TRPC5: variants seen among roughly 807,000 people sequenced by gnomAD.
TRPC5 encodes the protein transient receptor potential cation channel subfamily C member 5.
Under a neutral mutation model 56.5 loss-of-function variants are expected in TRPC5, and 9 were observed. The observed-to-expected ratio is 0.16, with a 90% CI of 0.10 to 0.28. The LOEUF (loss-of-function observed/expected upper bound fraction) is 0.28, where lower values mean the gene tolerates loss of function less well. Ranked by LOEUF, TRPC5 falls within the 10% of genes least tolerant of loss-of-function variation. TRPC5 has a pLI of 1.00. For missense variants in TRPC5, 469 were observed against 748.9 expected, an observed-to-expected ratio of 0.63 and a Z score of 4.36; for synonymous variants, 282 against 278.5, an observed-to-expected ratio of 1.01 and a Z score of -0.13.
intron 2 of TRPC5, among the ~76,000 whole-genome samples, chrX:111,925,652 C>T (rs1264575269): frequency 8.9e-6 from 1 of 111,961 alleles, no homozygotes; most frequent in East Asian, 2.8e-4. Flanking sequence ...AGTTTCTCTC[C>T]TTTGTCTGCA....
chrX:112,056,558 G>A (rs987737011), intron 1 of TRPC5, among the ~76,000 whole-genome samples: 2 of 111,988 alleles, frequency 1.8e-5, no homozygotes, highest in African/African-American at 6.5e-5. Context: ...AAAATGAAAG[G>A]AGTTGAATTA....
chrX:112,074,049 T>C (rs1930777037), intron 1 of TRPC5, among the ~76,000 whole-genome samples: 1 of 111,720 alleles, frequency 9.0e-6, no homozygotes, highest in African/African-American at 3.3e-5. Flanking sequence ...GCTTTGTACA[T>C]GTAACTCATT....
intron 3 of TRPC5, among the ~76,000 whole-genome samples, chrX:111,894,224 T>TAAAGATAGA (rs1183453884): frequency 1.8e-5 from 2 of 111,796 alleles, no homozygotes; most frequent in African/African-American, 6.5e-5. Context: ...TTATCAACTA[T>TAAAGATAGA]AAAGATAGAC....
At chrX:111,909,474 C>G (rs903354684) in intron 3 of TRPC5, among the ~76,000 whole-genome samples, 37 of 110,767 alleles carry the variant, frequency 3.3e-4, no homozygotes, top group African/African-American at 1.2e-3. Flanking sequence ...AAAATGCATC[C>G]TAGTGACGAT....
In TRPC5 at chrX:111,782,022, T is replaced by C. The variant is rs1195731884; in HGVS notation, c.2013A>G (p.Leu671=). ...TGTTGTTGAACCAGTTACCAAGGTA[T>C]AGAAATGACTTGGGGCTGGGGATGA... ...FNIIPSPKSF[L]YLGNWFNNTF... is the part of the protein sequence containing the mutation. The change falls in exon 8 of 11, where the codon CTA becomes CTG. Residue 671 remains leucine (L), a synonymous_variant. Transcript: ENST00000262839. 8.3e-7 allele frequency: 1 copy of C among 1,210,175 alleles called. No homozygotes were observed. The highest frequency in any genetic ancestry group is 3.0e-5 in the East Asian group (1 of 33,753).
chrX:111,936,605 T>G (rs1487600348), intron 2 of TRPC5, among the ~76,000 whole-genome samples: 1 of 103,612 alleles, frequency 9.7e-6, no homozygotes, highest in Non-Finnish European at 2.0e-5. Flanking sequence ...TTTGGTTTTT[T>G]GTTCTTGCGA....
intron 3 of TRPC5, among the ~76,000 whole-genome samples, chrX:111,856,745 G>A (rs74793866): frequency 0.019 from 1,942 of 103,651 alleles, 51 homozygotes; most frequent in African/African-American, 0.066. Flanking sequence ...GAGGGCAGAA[G>A]GTGGAGGTTG....
At chrX:111,912,009 G>A (rs1569528024) in intron 3 of TRPC5, among the ~76,000 whole-genome samples, 1 of 111,915 alleles carries the variant, frequency 8.9e-6, no homozygotes, top group Admixed American at 9.5e-5. Flanking sequence ...AAGCAGGGTC[G>A]GTGTCTGTCT....
Position 111,854,080 on chromosome X carries a change from C to T in TRPC5, c.927G>A (p.Gln309=). Residue 309 remains glutamine, a synonymous_variant, in exon 4 of 11, where the codon CAG becomes CAA. Coordinates refer to ENST00000262839, the MANE Select transcript of TRPC5 (RefSeq NM_012471.3). ...CATCATACCACAGGGTGGCAAGCAACTGTTGGCAGTTGGGCTGAGCAACAA... is the reference window on the plus strand; with the variant it reads ...CATCATACCACAGGGTGGCAAGCAATTGTTGGCAGTTGGGCTGAGCAACAA... The part of the protein sequence containing the change: ...KEFVAQPNCQ[Q]LLATLWYDGF... The T allele has an allele frequency of 8.3e-7, 1 of 1,210,076 alleles. No homozygotes were observed.
At chrX:111,805,269 A>G (rs921364440) in intron 7 of TRPC5, among the ~76,000 whole-genome samples, 16 of 111,486 alleles carry the variant, frequency 1.4e-4, no homozygotes, top group Non-Finnish European at 1.9e-4. Context: ...TTTATTGAGG[A>G]TTTTTGCATC....
chrX:111,798,651 A>T (rs1921191010), intron 7 of TRPC5, among the ~76,000 whole-genome samples: 1 of 111,616 alleles, frequency 9.0e-6, no homozygotes, highest in Admixed American at 9.6e-5. Flanking sequence ...GGACCATTGT[A>T]AAAATAAAAA....
Position 111,785,096 on chromosome X carries a change from C to T in TRPC5, c.1897-2958G>A, listed in dbSNP as rs780251991. ...CAGCATGGCGTTTGAGCTCTCAGAA[C>T]GGACAGACTGCCTCCTCAAGTGGGA... On this transcript the variant is annotated intron_variant, in intron 7 of 10. Transcript: ENST00000262839. Among the ~76,000 whole-genome samples the T allele has an allele frequency of 1.3e-3, 143 of 112,559 alleles. 12 individuals carry two copies. The highest frequency in any genetic ancestry group is 1.9e-4 in the African/African-American group (6 of 30,957).
At chrX:111,830,583 G>A (rs1922379171) in intron 7 of TRPC5, among the ~76,000 whole-genome samples, 1 of 111,319 alleles carries the variant, frequency 9.0e-6, no homozygotes, top group Non-Finnish European at 1.9e-5. Context: ...GTTCCCCTAT[G>A]CTGCTTTCAT....
intron 1 of TRPC5, among the ~76,000 whole-genome samples, chrX:112,012,375 TTTC>T (rs1357639057): frequency 4.5e-5 from 5 of 111,347 alleles, no homozygotes; most frequent in Non-Finnish European, 9.4e-5. Context: ...TCTCTTTTTT[TTTC>T]TTTTCTTTTC....
At chrX:111,833,330 A>G (rs62612025) in intron 7 of TRPC5, among the ~76,000 whole-genome samples, 5,279 of 111,231 alleles carry the variant, frequency 0.047, 141 homozygotes, top group Middle Eastern at 0.12. Flanking sequence ...TCACTTTTGG[A>G]TGATGACATT....
At chrX:111,802,758 G>T in intron 7 of TRPC5, among the ~76,000 whole-genome samples, 1 of 111,847 alleles carries the variant, frequency 8.9e-6, no homozygotes, top group Middle Eastern at 4.7e-3. Flanking sequence ...AAGCGAAAAA[G>T]ACAACATTAG....
rs1028921024 is a variant in TRPC5, at chrX:111,791,454, C to T, written c.1897-9316G>A. 7.2e-5 allele frequency among the ~76,000 whole-genome samples: 8 copies of T among 111,864 alleles called. 1 individual carries two copies. The Admixed American group carries it at 7.6e-4, about 11-fold the overall frequency. ...AACAATATCCCTTGAAGATACCAAC[C>T]AGCCACTTGGTGGCAAGTTGACCGT... On this transcript the variant is annotated intron_variant, in intron 7 of 10. Transcript: ENST00000262839.
intron 1 of TRPC5, among the ~76,000 whole-genome samples, chrX:111,970,207 C>CT (rs1927741946): frequency 9.0e-6 from 1 of 111,490 alleles, no homozygotes; most frequent in Non-Finnish European, 1.9e-5. Flanking sequence ...CCAGGAGAAT[C>CT]TGAGTTCCTG....
intron 3 of TRPC5, among the ~76,000 whole-genome samples, chrX:111,885,094 G>A (rs1423476661): frequency 8.9e-6 from 1 of 112,967 alleles, no homozygotes; most frequent in African/African-American, 3.2e-5. Flanking sequence ...CAGTGAAGGT[G>A]GAGCCAGGCT....
Sources: allele counts gnomAD v4.1 joint callset (sites outside exome capture counted in the v4.1 genomes callset), GRCh38; gene constraint gnomAD v4.1.1; transcripts MANE v1.5; gene names NCBI Gene and HGNC (gene_info 2026-07-23, HGNC 2026-07-21).